SULT4A1: variants seen among roughly 807,000 people sequenced by gnomAD.
The protein encoded by SULT4A1 is sulfotransferase 4A1.
Under a neutral mutation model 35.2 loss-of-function variants are expected in SULT4A1, and 11 were observed. The ratio of observed to expected loss-of-function variants is 0.31; its 90% CI spans 0.20 to 0.52. The LOEUF is 0.52. Among genes scored for constraint, SULT4A1 ranks in the 20% least tolerant of loss-of-function variants. The pLI is 0.97. For missense variants in SULT4A1, 271 were observed against 383.7 expected (o/e 0.71, Z 2.45); for synonymous variants, 152 against 151.8 (o/e 1.00, Z -0.01).
At chr22:43,855,375 G>T (rs190625284) in intron 1 of SULT4A1, among the ~76,000 whole-genome samples, 2 of 152,318 alleles carry the variant, frequency 1.3e-5, no homozygotes, top group Admixed American at 6.5e-5. Context: ...TTGTTCTGAG[G>T]CTTGAGCAGG....
intron 1 of SULT4A1, among the ~76,000 whole-genome samples, chr22:43,847,629 G>A (rs956644764): frequency 7.7e-5 from 9 of 116,666 alleles, no homozygotes; most frequent in Non-Finnish European, 6.9e-5. Flanking sequence ...CAAGCCCAGC[G>A]CCCCAGTGGC....
chr22:43,826,550 C>T (rs1226723527), intron 6 of SULT4A1: 2 of 985,268 alleles, frequency 2.0e-6, no homozygotes, highest in Non-Finnish European at 2.4e-6. Flanking sequence ...GCAGCCCTGG[C>T]CCTTCCCACG....
In SULT4A1 at chr22:43,862,253, G is replaced by A; in HGVS notation, c.130C>T (p.Arg44Trp). The change falls in exon 1 of 7, where the codon CGG (arginine) becomes TGG (tryptophan). Residue 44 changes from arginine (R) to tryptophan (W), a missense_variant. Physicochemically the swap from Arg to Trp is moderately radical, Grantham distance 101. Around this residue, in one of 3 missense-constraint regions of SULT4A1, gnomAD observed 164 missense variants for 254.1 expected, o/e 0.65. Transcript: ENST00000330884. ...GTGACGATCCACACGTCGCTGGGCC[G>A]CACCGGGAAGTTGGCGATCTCCTCC... Reference protein sequence around the residue: ...KMEEIANFPVRPSDVWIVTYP... With the variant: ...KMEEIANFPVWPSDVWIVTYP... 4.5e-6 allele frequency: 7 copies of A among 1,568,336 alleles called. No individual in the cohort carries two copies. Among genetic ancestry groups the A allele is most frequent in the Non-Finnish European group, 5.2e-6 (6 of 1,156,628 alleles).
At chr22:43,845,512 G>C (rs2063469248) in intron 1 of SULT4A1, among the ~76,000 whole-genome samples, 1 of 152,106 alleles carries the variant, frequency 6.6e-6, no homozygotes, top group African/African-American at 2.4e-5. Context: ...GAGCCCCGCC[G>C]ACCCTGCCGT....
chr22:43,858,178 G>C (rs531574539), intron 1 of SULT4A1, among the ~76,000 whole-genome samples: 7 of 152,006 alleles, frequency 4.6e-5, no homozygotes, highest in African/African-American at 1.7e-4. Flanking sequence ...ACTATGGCCA[G>C]CCATGGTGGC....
At position 43,835,304 on chromosome 22, in the gene SULT4A1, C is replaced by G. The variant is rs1311948294; in HGVS notation, c.509-1570G>C. Among the ~76,000 whole-genome samples the G allele has an allele frequency of 2.6e-5, 4 of 152,370 alleles. No homozygotes were observed. The East Asian group carries it at 5.8e-4, about 22-fold the overall frequency. Reference sequence around the variant, plus strand: ...CCTCCCCTGCCTGCCACATGCCGTGCCCACCACTGTGACGGTTTCTTCCAC... The same window carrying G: ...CCTCCCCTGCCTGCCACATGCCGTGGCCACCACTGTGACGGTTTCTTCCAC... On this transcript the variant is annotated intron_variant, in intron 4 of 6. Transcript: ENST00000330884.
chr22:43,859,829 T>G (rs191255996), intron 1 of SULT4A1, among the ~76,000 whole-genome samples: 212 of 152,382 alleles, frequency 1.4e-3, no homozygotes, highest in African/African-American at 4.7e-3. Context: ...ATGGTGATGC[T>G]ACTGAGGAAC....
chr22:43,852,546 C>T (rs184383257), intron 1 of SULT4A1, among the ~76,000 whole-genome samples: 15 of 152,156 alleles, frequency 9.9e-5, no homozygotes, highest in Admixed American at 9.8e-4. Context: ...GAGCTCCTGC[C>T]CCCATCCAGG....
chr22:43,841,011 G>A (rs1012416887), intron 2 of SULT4A1, among the ~76,000 whole-genome samples: 2 of 152,344 alleles, frequency 1.3e-5, no homozygotes. Flanking sequence ...GGCTTCCTGG[G>A]CTGAAAGGCC....
At chr22:43,832,993 G>A (rs937137448) in intron 5 of SULT4A1, among the ~76,000 whole-genome samples, 3 of 152,128 alleles carry the variant, frequency 2.0e-5, no homozygotes, top group Non-Finnish European at 4.4e-5. Context: ...ACATCGACAT[G>A]GTTTCCAGCT....
rs1047072857 is a variant in SULT4A1 at position 43,849,645 on chromosome 22, C to A, written c.170-7713G>T. Among the ~76,000 whole-genome samples the A allele has an allele frequency of 2.0e-5, 3 of 152,266 alleles. No individual in the cohort carries two copies. The East Asian group carries it at 5.8e-4, about 29-fold the overall frequency. On this transcript the variant is annotated intron_variant, in intron 1 of 6. Transcript: ENST00000330884. ...TCAGTCCCATTTTCAGCTCCCCTTCCCGCTGAGAGCCACTTTCATCAGCAA... is the reference window on the plus strand; with the variant it reads ...TCAGTCCCATTTTCAGCTCCCCTTCACGCTGAGAGCCACTTTCATCAGCAA...
At chr22:43,839,420 C>T (rs200433865) in intron 3 of SULT4A1, among the ~76,000 whole-genome samples, 1 of 152,120 alleles carries the variant, frequency 6.6e-6, no homozygotes, top group East Asian at 1.9e-4. Flanking sequence ...ATGGTGAAAC[C>T]CTGTCTCTAC....
At chr22:43,840,896 T>C (rs2063421722) in intron 2 of SULT4A1, among the ~76,000 whole-genome samples, 1 of 151,756 alleles carries the variant, frequency 6.6e-6, no homozygotes. Context: ...CGGGTCCCTC[T>C]GCTCCTCTCC....
chr22:43,827,367 G>C, intron 6 of SULT4A1: 2 of 1,141,710 alleles, frequency 1.8e-6, no homozygotes, highest in East Asian at 1.4e-4. Flanking sequence ...TATCAGTGTT[G>C]GAGAGAAAAA....
intron 4 of SULT4A1, among the ~76,000 whole-genome samples, chr22:43,837,268 A>G (rs1262682312): frequency 6.6e-6 from 1 of 152,156 alleles, no homozygotes; most frequent in Non-Finnish European, 1.5e-5. Context: ...GGGACCTTGC[A>G]CTCAGTGGAG....
chr22:43,827,880 A>T (rs2148275415), intron 6 of SULT4A1, among the ~76,000 whole-genome samples: 1 of 152,332 alleles, frequency 6.6e-6, no homozygotes, highest in East Asian at 1.9e-4. Flanking sequence ...TTAAATAACA[A>T]ATATTTATGA....
chr22:43,851,752 C>T (rs1402231044), intron 1 of SULT4A1, among the ~76,000 whole-genome samples: 2 of 152,218 alleles, frequency 1.3e-5, no homozygotes, highest in Admixed American at 1.3e-4. Context: ...TCAGCTGTCA[C>T]AGGACCCTCA....
chr22:43,859,324 G>A (rs1219911470), intron 1 of SULT4A1, among the ~76,000 whole-genome samples: 1 of 152,166 alleles, frequency 6.6e-6, no homozygotes, highest in African/African-American at 2.4e-5. Context: ...GCTCACCCAC[G>A]CCCAGGCCCA....
At chr22:43,837,701 G>A (rs753302698) in intron 4 of SULT4A1, among the ~76,000 whole-genome samples, 2 of 152,196 alleles carry the variant, frequency 1.3e-5, no homozygotes, top group Non-Finnish European at 2.9e-5. Context: ...CAAACTGCAA[G>A]CAACAGAGTC....
Sources: gnomAD v4.1 joint callset for allele counts (sites outside exome capture counted in the v4.1 genomes callset) on GRCh38, gnomAD v4.1.1 for gene constraint, gnomAD v4.1.1 regional missense constraint, MANE v1.5 for transcripts, NCBI Gene and HGNC (gene_info 2026-07-23, HGNC 2026-07-21) for gene names.